The following RGL1 variants were observed in gnomAD, a reference collection of about 807,000 sequenced individuals.
The protein encoded by RGL1 is ral guanine nucleotide dissociation stimulator like 1.
A neutral mutation model predicts 95.2 loss-of-function variants in RGL1; 24 were observed. The observed-to-expected ratio is 0.25, with a 90% confidence interval of 0.18 to 0.35. The LOEUF (loss-of-function observed/expected upper bound fraction) is 0.35, where lower values mean the gene tolerates loss of function less well. RGL1 is among the 10% of genes least tolerant of loss of function. RGL1 has a pLI of 1.00. For synonymous variants in RGL1, 329 were observed against 344.9 expected, an observed-to-expected ratio of 0.95 and a Z score of 0.51; for missense variants, 715 against 936.3, an observed-to-expected ratio of 0.76 and a Z score of 3.08.
intron 1 of RGL1, among the ~76,000 whole-genome samples, chr1:183,727,512 T>G (rs1000747891): frequency 1.3e-5 from 2 of 152,178 alleles, no homozygotes; most frequent in African/African-American, 4.8e-5. Context: ...GACTTAGTAT[T>G]TAACCTGAGT....
At chr1:183,878,299 C>T (rs1185926454) in intron 4 of RGL1, among the ~76,000 whole-genome samples, 2 of 152,014 alleles carry the variant, frequency 1.3e-5, no homozygotes, top group Admixed American at 6.6e-5. Context: ...TGGGTACAAT[C>T]AATCCACCCA....
chr1:183,852,162 A>G (rs1339191352), intron 3 of RGL1, among the ~76,000 whole-genome samples: 2 of 152,142 alleles, frequency 1.3e-5, no homozygotes, highest in East Asian at 1.9e-4. Context: ...ATTTGATGTC[A>G]AGCTTTGATT....
intron 1 of RGL1, among the ~76,000 whole-genome samples, chr1:183,736,219 T>A (rs1656929894): frequency 6.6e-6 from 1 of 152,190 alleles, no homozygotes; most frequent in Non-Finnish European, 1.5e-5. Flanking sequence ...AATACGTGAG[T>A]GAAACACCGA....
At chr1:183,833,350 T>C (rs1663394511) in intron 2 of RGL1, among the ~76,000 whole-genome samples, 1 of 152,180 alleles carries the variant, frequency 6.6e-6, no homozygotes, top group South Asian at 2.1e-4. Context: ...TGTTTTCACA[T>C]TGTCAAGCAT....
intron 1 of RGL1, among the ~76,000 whole-genome samples, chr1:183,644,179 G>C (rs532612738): frequency 6.6e-6 from 1 of 152,136 alleles, no homozygotes; most frequent in Non-Finnish European, 1.5e-5. Context: ...ATTTAGAGAA[G>C]CATTAAGGCA....
At chr1:183,826,833 C>T (rs183130897) in intron 2 of RGL1, among the ~76,000 whole-genome samples, 1 of 152,312 alleles carries the variant, frequency 6.6e-6, no homozygotes, top group African/African-American at 2.4e-5. Flanking sequence ...TAAAGGGTCC[C>T]TCCTTGGGAA....
intron 1 of RGL1, among the ~76,000 whole-genome samples, chr1:183,657,387 C>T (rs1651249900): frequency 6.6e-6 from 1 of 152,060 alleles, no homozygotes; most frequent in Non-Finnish European, 1.5e-5. Context: ...TGTGCTGCAC[C>T]CATTAACTTG....
Position 183,926,164 on chromosome 1 carries a change from G to T in RGL1, c.2179G>T (p.Asp727Tyr). ...TGCCATGAACAGCCAAGTGAACTTT[G>T]ACTTCATTTTGCGCAAAAAGAACTC... The part of the protein sequence containing the change: ...FYAMNSQVNF[D>Y]FILRKKNSME... Residue 727 changes from aspartate to tyrosine, a missense_variant, in exon 18 of 18, where the codon GAC (aspartate) becomes TAC (tyrosine). Asp to Tyr is a radical substitution (Grantham distance 160). Around this residue, in one of 3 missense-constraint regions of RGL1, gnomAD observed 330 missense variants for 429.6 expected, o/e 0.77. Coordinates refer to ENST00000360851, the MANE Select transcript of RGL1 (RefSeq NM_001297671.3). 6.2e-7 allele frequency: 1 copy of T among 1,614,066 alleles called. No individual in the cohort carries two copies. The highest frequency in any genetic ancestry group is 1.1e-5 in the South Asian group (1 of 91,028).
At chr1:183,813,199 G>A (rs1481027650) in intron 2 of RGL1, among the ~76,000 whole-genome samples, 1 of 152,130 alleles carries the variant, frequency 6.6e-6, no homozygotes, top group African/African-American at 2.4e-5. Flanking sequence ...TGTAGGCGGG[G>A]CACAGGGCGA....
intron 2 of RGL1, among the ~76,000 whole-genome samples, chr1:183,797,714 G>A (rs1436132117): frequency 3.9e-5 from 6 of 152,152 alleles, no homozygotes; most frequent in African/African-American, 1.4e-4. Context: ...CCTTTGCAAA[G>A]GAAGGTTGAA....
intron 1 of RGL1, chr1:183,647,265 T>G (rs1025776445): frequency 5.1e-5 from 8 of 156,516 alleles, no homozygotes; most frequent in African/African-American, 1.9e-4. Flanking sequence ...AAACAGCACT[T>G]AATGTCAGTA....
intron 1 of RGL1, among the ~76,000 whole-genome samples, chr1:183,676,327 CAA>C (rs1652826828): frequency 1.3e-5 from 2 of 151,976 alleles, no homozygotes; most frequent in Non-Finnish European, 2.9e-5. Context: ...TCTCAATGGT[CAA>C]AAGAGTTTGA....
chr1:183,886,352 T>G (rs1380382436), intron 7 of RGL1, among the ~76,000 whole-genome samples: 1 of 152,150 alleles, frequency 6.6e-6, no homozygotes, highest in Non-Finnish European at 1.5e-5. Flanking sequence ...AAGTTGTGAG[T>G]GAGATATAGT....
intron 2 of RGL1, among the ~76,000 whole-genome samples, chr1:183,796,150 G>A (rs1258738997): frequency 6.6e-6 from 1 of 151,444 alleles, no homozygotes. Context: ...AATGAGGAAG[G>A]TGTTTGTATT....
chr1:183,795,314 T>C (rs1443160763), intron 2 of RGL1, among the ~76,000 whole-genome samples: 42 of 152,246 alleles, frequency 2.8e-4, no homozygotes, highest in Non-Finnish European at 1.5e-5. Flanking sequence ...GTTAACAGTC[T>C]AATGGGAGAA....
Position 183,644,591 on chromosome 1 carries a change from G to A in RGL1, c.-33+8090G>A, listed in dbSNP as rs561282752. Among the ~76,000 whole-genome samples the A allele has an allele frequency of 6.6e-5, 10 of 152,068 alleles. No homozygotes were observed. In the South Asian group the frequency reaches 2.1e-3, roughly 32 times the overall value. On this transcript the variant is annotated intron_variant, in intron 1 of 18. Coordinates refer to the RGL1 transcript ENST00000304685. ...CAGGCAGTAGCCACCACGCCTGGCC[G>A]AATAATATTATTTTAAATTAGCATA...
intron 1 of RGL1, among the ~76,000 whole-genome samples, chr1:183,638,719 T>C (rs1649710381): frequency 6.6e-6 from 1 of 152,222 alleles, no homozygotes; most frequent in South Asian, 2.1e-4. Flanking sequence ...ATAAAAGATT[T>C]ATAAGGTTTT....
chr1:183,690,741 AAAG>A (rs1263765175), intron 1 of RGL1, among the ~76,000 whole-genome samples: 2 of 152,204 alleles, frequency 1.3e-5, no homozygotes, highest in Non-Finnish European at 2.9e-5. Context: ...TAAAAAAAAA[AAAG>A]AATGTATTTC....
chr1:183,672,486 TC>T (rs1652534941), intron 1 of RGL1, among the ~76,000 whole-genome samples: 2 of 152,342 alleles, frequency 1.3e-5, no homozygotes, highest in African/African-American at 4.8e-5. Flanking sequence ...TCTTCATTTC[TC>T]TTTTGCAGTG....
Sources: gnomAD v4.1 joint callset for allele counts (sites outside exome capture counted in the v4.1 genomes callset) on GRCh38, gnomAD v4.1.1 for gene constraint, gnomAD v4.1.1 regional missense constraint, MANE v1.5 for transcripts, NCBI Gene and HGNC (gene_info 2026-07-23, HGNC 2026-07-21) for gene names.